Variants in REDIC1 observed in about 807,000 individuals in gnomAD.
REDIC1 encodes the protein regulator of DNA class I crossover intermediates 1.
chr12:39,661,677 T>G, the REDIC1 span, among the ~76,000 whole-genome samples: 1 of 152,132 alleles, frequency 6.6e-6, no homozygotes, highest in African/African-American at 2.4e-5. Flanking sequence ...ACTTATCTAT[T>G]TTTTTCTTCT....
chr12:39,711,910 T>C, the REDIC1 span, among the ~76,000 whole-genome samples: 2 of 135,030 alleles, frequency 1.5e-5, no homozygotes, highest in East Asian at 2.4e-4. Context: ...TATACACATG[T>C]ATATACACAT....
the REDIC1 span, among the ~76,000 whole-genome samples, chr12:39,795,667 G>A: frequency 1.3e-5 from 2 of 152,152 alleles, no homozygotes; most frequent in Non-Finnish European, 2.9e-5. Flanking sequence ...TAGACACCTG[G>A]AGGTGCTGCA....
chr12:39,683,046 C>T, the REDIC1 span: 1 of 1,613,044 alleles, frequency 6.2e-7, no homozygotes, highest in Admixed American at 1.7e-5. Flanking sequence ...GTCAGCCAAA[C>T]AAGAAGTATC....
At chr12:39,858,974 TTAA>T in the REDIC1 span, among the ~76,000 whole-genome samples, 558 of 152,280 alleles carry the variant, frequency 3.7e-3, 10 homozygotes, top group East Asian at 0.085. Context: ...AGTGCTCATG[TTAA>T]TGATGCGTTT....
At chr12:39,760,276 A>G in the REDIC1 span, 1 of 1,568,946 alleles carries the variant, frequency 6.4e-7, no homozygotes, top group Non-Finnish European at 8.7e-7. Flanking sequence ...TAATAGATAC[A>G]TGAATATGAA....
chr12:39,839,690 C>T, the REDIC1 span, among the ~76,000 whole-genome samples: 1 of 151,972 alleles, frequency 6.6e-6, no homozygotes, highest in Admixed American at 6.6e-5. Flanking sequence ...CTGTTCTGGG[C>T]CATCTACTTT....
At chr12:39,721,131 G>T in the REDIC1 span, 1 of 1,613,602 alleles carries the variant, frequency 6.2e-7, no homozygotes, top group African/African-American at 1.3e-5. Flanking sequence ...TTGCCATACA[G>T]TGTGATCTAA....
chr12:39,859,305 G>A, the REDIC1 span, among the ~76,000 whole-genome samples: 8 of 62,558 alleles, frequency 1.3e-4, no homozygotes, highest in African/African-American at 2.3e-4. Flanking sequence ...GAAAAAGAAA[G>A]AAAGCTGGCA....
At chr12:39,626,192 C>T in the REDIC1 span, 77 of 801,344 alleles carry the variant, frequency 9.6e-5, no homozygotes, top group African/African-American at 1.2e-3. Context: ...GAGGTTGGGC[C>T]TCAGGCGGTG....
chr12:39,690,543 A>G, the REDIC1 span, among the ~76,000 whole-genome samples: 3 of 152,102 alleles, frequency 2.0e-5, no homozygotes, highest in South Asian at 6.2e-4. Flanking sequence ...ATTGAATATG[A>G]TAGCAATTAA....
chr12:39,770,601 T>G, the REDIC1 span, among the ~76,000 whole-genome samples: 45 of 152,270 alleles, frequency 3.0e-4, no homozygotes, highest in Non-Finnish European at 5.1e-4. Context: ...CATGGGCTGT[T>G]GGGAACATTA....
the REDIC1 span, among the ~76,000 whole-genome samples, chr12:39,661,224 G>A: frequency 1.3e-5 from 2 of 151,990 alleles, no homozygotes; most frequent in East Asian, 3.9e-4. Flanking sequence ...TTTTTGAGAT[G>A]TCTCCACATT....
the REDIC1 span, among the ~76,000 whole-genome samples, chr12:39,668,282 C>G: frequency 2.0e-5 from 3 of 152,108 alleles, no homozygotes; most frequent in South Asian, 6.2e-4. Context: ...AATCTCTCAG[C>G]ATTTGCTTGT....
chr12:39,712,107 T>C, the REDIC1 span, among the ~76,000 whole-genome samples: 98 of 130,584 alleles, frequency 7.5e-4, 2 homozygotes, highest in Non-Finnish European at 3.7e-4. Flanking sequence ...TATACCTGTA[T>C]ATATACCTGT....
chr12:39,748,839 A>T, the REDIC1 span, among the ~76,000 whole-genome samples: 1 of 152,254 alleles, frequency 6.6e-6, no homozygotes, highest in Non-Finnish European at 1.5e-5. Context: ...TAATGAAATG[A>T]AGGCAGAAAT....
At chr12:39,761,616 A>C in the REDIC1 span, among the ~76,000 whole-genome samples, 1 of 57,312 alleles carries the variant, frequency 1.7e-5, no homozygotes, top group African/African-American at 7.2e-5. Flanking sequence ...CTCTTGGAGA[A>C]TGGGGGAATT....
At chr12:39,889,820 A>G in the REDIC1 span, among the ~76,000 whole-genome samples, 30 of 152,176 alleles carry the variant, frequency 2.0e-4, no homozygotes, top group South Asian at 6.2e-4. Context: ...GTGAGCCACC[A>G]GGCCTGGCCA....
chr12:39,817,352 T>A, the REDIC1 span, among the ~76,000 whole-genome samples: 1 of 147,034 alleles, frequency 6.8e-6, no homozygotes, highest in African/African-American at 2.4e-5. Flanking sequence ...CACAGGCAAA[T>A]CCACAGAATG....
the REDIC1 span, among the ~76,000 whole-genome samples, chr12:39,712,409 T>C: frequency 7.4e-6 from 1 of 135,080 alleles, no homozygotes; most frequent in African/African-American, 2.6e-5. Flanking sequence ...TATATATACA[T>C]ACGTATATAC....
Sources: gnomAD v4.1 joint callset for allele counts (sites outside exome capture counted in the v4.1 genomes callset) on GRCh38, gnomAD v4.1.1 for gene constraint, MANE v1.5 for transcripts, NCBI Gene and HGNC (gene_info 2026-07-23, HGNC 2026-07-21) for gene names.